Variants in SOX6 observed in about 807,000 individuals in gnomAD.
The protein encoded by SOX6 is SRY-box transcription factor 6.
In SOX6, 11 loss-of-function variants were observed where a neutral mutation model predicts 97.8. The observed-to-expected ratio is 0.11, with a 90% CI of 0.07 to 0.19. The LOEUF (loss-of-function observed/expected upper bound fraction) is 0.19, where lower values mean the gene tolerates loss of function less well. SOX6 is among the 10% of genes least tolerant of loss of function. The pLI, the probability that SOX6 is intolerant of heterozygous loss-of-function variation, is 1.00. For synonymous variants in SOX6, 360 were observed against 371.4 expected, an observed-to-expected ratio of 0.97 and a Z score of 0.35; for missense variants, 810 against 1,039.5, an observed-to-expected ratio of 0.78 and a Z score of 3.04.
At chr11:16,623,177 C>T (rs552370609) in intron 3 of SOX6, among the ~76,000 whole-genome samples, 12 of 152,102 alleles carry the variant, frequency 7.9e-5, no homozygotes, top group South Asian at 2.1e-4. Flanking sequence ...CGCGCCACCA[C>T]GCCTGACTAA....
In SOX6 at chr11:16,374,197, G is replaced by T. The variant is rs143127163; in HGVS notation, c.-4-32945C>A. Among the ~76,000 whole-genome samples, 363 of 151,966 alleles carry T rather than the reference G, an allele frequency of 2.4e-3. 1 individual carries two copies. Among genetic ancestry groups the T allele is most frequent in the African/African-American group, 8.2e-3 (341 of 41,472 alleles). On this transcript the variant is annotated intron_variant, in intron 1 of 15. Coordinates refer to the SOX6 transcript ENST00000396356. ...CCTGGACTGCCTATGAACTGAACTG[G>T]GAATTACCTCTTATAAAACACTAAA...
intron 9 of SOX6, among the ~76,000 whole-genome samples, chr11:16,085,229 C>A (rs1327356195): frequency 6.6e-6 from 1 of 152,112 alleles, no homozygotes; most frequent in African/African-American, 2.4e-5. Context: ...AGCTAAGGAG[C>A]TCCTCAACTC....
At chr11:16,283,033 A>ATATGTAAATTATATATAATTTG (rs1565068376) in intron 3 of SOX6, among the ~76,000 whole-genome samples, 21 of 126,606 alleles carry the variant, frequency 1.7e-4, no homozygotes, top group South Asian at 7.7e-4. Context: ...ATATATATAT[A>ATATGTAAATTATATATAATTTG]TATATATATG....
At chr11:16,138,854 TCCTTGTCCCTACAAAG>T (rs1426013558) in intron 6 of SOX6, among the ~76,000 whole-genome samples, 2 of 152,162 alleles carry the variant, frequency 1.3e-5, no homozygotes, top group Admixed American at 1.3e-4. Context: ...TCCAGTTTCA[TCCTTGTCCCTACAAAG>T]GACATGAACT....
intron 4 of SOX6, among the ~76,000 whole-genome samples, chr11:16,189,403 TCATGTGTGTGTG>T (rs1190566515): frequency 3.0e-5 from 3 of 100,302 alleles, no homozygotes; most frequent in African/African-American, 4.9e-5. Context: ...TAGGCAAAGG[TCATGTGTGTGTG>T]CATGTGTGTG....
At chr11:16,149,565 G>A (rs143860959) in intron 6 of SOX6, among the ~76,000 whole-genome samples, 381 of 152,072 alleles carry the variant, frequency 2.5e-3, no homozygotes, top group Non-Finnish European at 4.1e-3. Flanking sequence ...TTTTATTCCC[G>A]TCCAGCAACC....
chr11:16,540,013 C>CA (rs920981593), intron 4 of SOX6, among the ~76,000 whole-genome samples: 4 of 151,428 alleles, frequency 2.6e-5, no homozygotes, highest in Middle Eastern at 3.4e-3. Context: ...AGGGACACAA[C>CA]AAAAAAAAGA....
chr11:16,202,313 G>A (rs545587163), intron 4 of SOX6, among the ~76,000 whole-genome samples: 2 of 152,022 alleles, frequency 1.3e-5, no homozygotes, highest in African/African-American at 4.8e-5. Flanking sequence ...GAATTTTATT[G>A]TAAAGGAAGA....
chr11:16,516,566 T>C (rs1051867103), intron 4 of SOX6, among the ~76,000 whole-genome samples: 28 of 152,060 alleles, frequency 1.8e-4, no homozygotes, highest in Middle Eastern at 3.4e-3. Flanking sequence ...GCAAACAAAC[T>C]AGAAAATCTA....
intron 3 of SOX6, among the ~76,000 whole-genome samples, chr11:16,645,148 T>A (rs1371373625): frequency 6.6e-6 from 1 of 152,176 alleles, no homozygotes; most frequent in African/African-American, 2.4e-5. Context: ...TGGATTCTGT[T>A]TTCCTTTTCA....
At chr11:16,146,574 A>C (rs1850304130) in intron 6 of SOX6, among the ~76,000 whole-genome samples, 1 of 152,184 alleles carries the variant, frequency 6.6e-6, no homozygotes, top group Admixed American at 6.5e-5. Context: ...CAACCTACAG[A>C]ATGGGAGAAA....
chr11:16,226,276 A>G (rs999346010), intron 4 of SOX6, among the ~76,000 whole-genome samples: 17 of 152,010 alleles, frequency 1.1e-4, no homozygotes, highest in Non-Finnish European at 2.5e-4. Context: ...CAAGGAAAGA[A>G]AACACGATTT....
At chr11:16,612,315 CA>C (rs1293400122) in intron 3 of SOX6, 1 of 151,076 alleles carries the variant, frequency 6.6e-6, no homozygotes, top group Non-Finnish European at 1.5e-5. Flanking sequence ...CAGTCTACAC[CA>C]AAGAAAAAAA....
intron 2 of SOX6, among the ~76,000 whole-genome samples, chr11:16,328,628 T>C (rs1044490283): frequency 1.3e-5 from 2 of 152,196 alleles, no homozygotes; most frequent in Admixed American, 1.3e-4. Context: ...AGACAATATA[T>C]GTAACATTTT....
At chr11:16,513,979 T>A (rs777285638) in intron 4 of SOX6, among the ~76,000 whole-genome samples, 19 of 151,572 alleles carry the variant, frequency 1.3e-4, no homozygotes, top group Non-Finnish European at 1.9e-4. Context: ...GGGAGGCCAA[T>A]GCGGGAGAAT....
chr11:16,445,661 T>G (rs1193316246), intron 1 of SOX6, among the ~76,000 whole-genome samples: 3 of 152,090 alleles, frequency 2.0e-5, no homozygotes, highest in African/African-American at 4.8e-5. Context: ...CCACCTTGTG[T>G]GAGTACCCTT....
intron 9 of SOX6, among the ~76,000 whole-genome samples, chr11:16,059,081 G>C (rs751771892): frequency 6.6e-6 from 1 of 152,004 alleles, no homozygotes; most frequent in Non-Finnish European, 1.5e-5. Context: ...TTAGGTATCA[G>C]CTTTCTCTTT....
intron 4 of SOX6, among the ~76,000 whole-genome samples, chr11:16,603,240 G>C (rs1051350581): frequency 3.3e-5 from 5 of 152,150 alleles, no homozygotes; most frequent in Non-Finnish European, 7.3e-5. Flanking sequence ...GGGTAACAGA[G>C]GGAAAGTCAT....
At chr11:16,016,332 G>T (rs1854882273) in intron 12 of SOX6, among the ~76,000 whole-genome samples, 1 of 151,944 alleles carries the variant, frequency 6.6e-6, no homozygotes, top group South Asian at 2.1e-4. Flanking sequence ...AATCTGTGTT[G>T]GAAGAAAACA....
Sources: gnomAD v4.1 joint callset for allele counts (sites outside exome capture counted in the v4.1 genomes callset) on GRCh38, gnomAD v4.1.1 for gene constraint, MANE v1.5 for transcripts, NCBI Gene and HGNC (gene_info 2026-07-23, HGNC 2026-07-21) for gene names.